SEC22B: variants seen among roughly 807,000 people sequenced by gnomAD.
The protein encoded by SEC22B is vesicle-trafficking protein SEC22b.
Under a neutral mutation model 31.4 loss-of-function variants are expected in SEC22B, and 10 were observed. That is an observed-to-expected ratio of 0.32 (90% CI 0.20 to 0.54). SEC22B has a LOEUF of 0.54. SEC22B is among the 20% of genes least tolerant of loss of function. SEC22B has a pLI of 0.94. For synonymous variants in SEC22B, 60 were observed against 95.9 expected, an observed-to-expected ratio of 0.63 and a Z score of 2.19; for missense variants, 130 against 263.4, an observed-to-expected ratio of 0.49 and a Z score of 3.50.
rs1305010498 is a variant in SEC22B, at chr1:120,151,726, G to A, written c.*5312C>T. On this transcript the variant is annotated 3_prime_UTR_variant, in exon 5 of 5. Coordinates refer to ENST00000578049, the MANE Select transcript of SEC22B (RefSeq NM_004892.6). ...GTAGTACTGACTAAAAGAGGGACAT[G>A]TGTAACAAAATCAGTAAGGAGGGTA... 1.3e-5 allele frequency: 2 copies of A among 151,700 alleles called. No individual in the cohort carries two copies. Among genetic ancestry groups the A allele is most frequent in the Non-Finnish European group, 2.9e-5 (2 of 67,984 alleles). The allele number at this position is 151,700 out of a possible 1,614,324, so 9.4% of individuals were successfully genotyped here.
intron 2 of SEC22B, 106 bp from the exon 3 acceptor site, chr1:120,163,476 C>T: frequency 1.5e-6 from 1 of 673,874 alleles, no homozygotes; most frequent in East Asian, 3.6e-5. Flanking sequence ...AAAATCTAGC[C>T]TAAATACTTT....
At chr1:120,160,622 G>C in intron 3 of SEC22B, 92 bp from the exon 4 acceptor site, 1 of 1,093,146 alleles carries the variant, frequency 9.1e-7, no homozygotes, top group South Asian at 1.7e-5. Context: ...AGGCGCGGTG[G>C]CTCACACCTG....
At chr1:120,157,666 T>C (rs2101126584) in intron 4 of SEC22B, 1 of 137,956 alleles carries the variant, frequency 7.2e-6, no homozygotes, top group South Asian at 2.2e-4. Context: ...TCATATTCTC[T>C]TATATTTTGA....
intron 2 of SEC22B, among the ~76,000 whole-genome samples, chr1:120,163,661 C>T (rs1452185712): frequency 4.8e-4 from 73 of 151,336 alleles, no homozygotes; most frequent in African/African-American, 1.5e-3. Context: ...CTGCAACCTC[C>T]GCCTCCCGGG....
Position 120,160,497 on chromosome 1 carries a change from A to G in SEC22B, c.380T>C (p.Ile127Thr), listed in dbSNP as rs1570866089. ...TFIQKTKKLYIDSRARRNLGS... is the reference protein window; with the variant it reads ...TFIQKTKKLYTDSRARRNLGS... ...TAGATTTCTTCGAGCACGACTGTCA[A>G]TGTAGAGCTTCTTGGTTTTCTGAAT... Residue 127 changes from isoleucine (I) to threonine (T), a missense_variant, in exon 4 of 5, where the codon ATT (isoleucine) becomes ACT (threonine). By Grantham distance (89) the Ile-to-Thr change is moderately conservative. Transcript: ENST00000578049. The G allele has an allele frequency of 3.7e-6, 6 of 1,601,376 alleles. No individual in the cohort carries two copies. In the South Asian group the frequency reaches 5.6e-5, roughly 15 times the overall value.
Position 120,151,880 on chromosome 1 carries a change from GAAGA to G in SEC22B, c.*5154_*5157del, listed in dbSNP as rs1398869792. Reference sequence around the variant, plus strand: ...GTTAATAGTCTAGTTAGAGGTGAAAGAAGAAAGCAGAGGAGTCTAATGCAATGCG... The same window carrying G: ...GTTAATAGTCTAGTTAGAGGTGAAAGAAGCAGAGGAGTCTAATGCAATGCG... On this transcript the variant is annotated 3_prime_UTR_variant, in exon 5 of 5. Transcript: ENST00000578049. The G allele has an allele frequency of 6.6e-6, 1 of 151,790 alleles. No individual in the cohort carries two copies. The highest frequency in any genetic ancestry group is 1.5e-5 in the Non-Finnish European group (1 of 67,978). 9.4% of individuals were successfully genotyped at this position (151,790 alleles called of 1,614,324 possible).
At chr1:120,162,630 G>C (rs1657736897) in intron 3 of SEC22B, among the ~76,000 whole-genome samples, 2 of 151,984 alleles carry the variant, frequency 1.3e-5, no homozygotes, top group African/African-American at 4.8e-5. Context: ...GGTCTGATTA[G>C]TAATTAGTCT....
At chr1:120,172,640 A>C in intron 1 of SEC22B, among the ~76,000 whole-genome samples, 1 of 29,812 alleles carries the variant, frequency 3.4e-5, no homozygotes, top group East Asian at 6.5e-4. Context: ...CTCACAAAAC[A>C]ACCTAACCAC....
rs1465757327 is a variant in SEC22B, at chr1:120,168,900, C to G, written c.125G>C (p.Arg42Pro). ...QYQSQAKQLF[R>P]KLNEQSPTRC... ...GGTAGGGGACTGTTCATTCAACTTTCGAAAGAGTTGCTTAGCCTGACTCTG... is the reference window on the plus strand; with the variant it reads ...GGTAGGGGACTGTTCATTCAACTTTGGAAAGAGTTGCTTAGCCTGACTCTG... The change falls in exon 2 of 5, where the codon CGA (arginine) becomes CCA (proline). Residue 42 changes from arginine (R) to proline (P), a missense_variant. Coordinates refer to ENST00000578049, the MANE Select transcript of SEC22B (RefSeq NM_004892.6). 2.0e-6 allele frequency: 3 copies of G among 1,463,798 alleles called. No homozygotes were observed. Among genetic ancestry groups the G allele is most frequent in the Non-Finnish European group, 2.7e-6 (3 of 1,105,250 alleles). 90.7% of individuals were successfully genotyped at this position (1,463,798 alleles called of 1,614,324 possible). A position where few individuals can be genotyped will look rare whatever the true frequency, so the allele number is the denominator to read the frequency against.
At chr1:120,175,840 CA>C (rs1657951589) in intron 1 of SEC22B, among the ~76,000 whole-genome samples, 1 of 152,182 alleles carries the variant, frequency 6.6e-6, no homozygotes, top group East Asian at 1.9e-4. Flanking sequence ...TGAAATTTAA[CA>C]GGTGCTTTTA....
intron 2 of SEC22B, among the ~76,000 whole-genome samples, chr1:120,166,164 G>C (rs1362797134): frequency 1.4e-5 from 2 of 143,006 alleles, no homozygotes; most frequent in African/African-American, 2.9e-5. Context: ...AGAGAAAAGA[G>C]AACTTTTATA....
chr1:120,167,370 T>G (rs1409842620), intron 2 of SEC22B, among the ~76,000 whole-genome samples: 15 of 152,142 alleles, frequency 9.9e-5, no homozygotes, highest in South Asian at 2.1e-4. Context: ...GTTCTTTACA[T>G]ATTTGTGGAC....
At position 120,155,755 on chromosome 1, in the gene SEC22B, C is replaced by T. The variant is rs1291110673; in HGVS notation, c.*1283G>A. On this transcript the variant is annotated 3_prime_UTR_variant, in exon 5 of 5. Coordinates refer to ENST00000578049, the MANE Select transcript of SEC22B (RefSeq NM_004892.6). ...GACCCTGGCAATAATATTTAAAAGG[C>T]CTATTTTCCCCATTAAAAAATTCTA... The T allele has an allele frequency of 2.0e-5, 3 of 151,940 alleles. No individual in the cohort carries two copies. Among genetic ancestry groups the T allele is most frequent in the Admixed American group, 6.6e-5 (1 of 15,240 alleles). 9.4% of individuals were successfully genotyped at this position (151,940 alleles called of 1,614,324 possible). A position where few individuals can be genotyped will look rare whatever the true frequency, so the allele number is the denominator to read the frequency against.
intron 1 of SEC22B, among the ~76,000 whole-genome samples, chr1:120,171,180 A>G (rs1208988194): frequency 7.6e-6 from 1 of 131,804 alleles, no homozygotes; most frequent in Non-Finnish European, 1.5e-5. Context: ...GGGCTGTGAT[A>G]TCGGTATTTT....
At position 120,155,269 on chromosome 1, in the gene SEC22B, G is replaced by GAGCT. The variant is rs1418386919; in HGVS notation, c.*1765_*1768dup. 3 of 151,736 alleles carry GAGCT rather than the reference G, an allele frequency of 2.0e-5. No individual in the cohort carries two copies. Among genetic ancestry groups the GAGCT allele is most frequent in the Non-Finnish European group, 4.4e-5 (3 of 67,862 alleles). The allele number at this position is 151,736 out of a possible 1,614,324, so 9.4% of individuals were successfully genotyped here. ...GTTGCAGCATGCAACTCTCAACAAT[G>GAGCT]AGCTGCCCCTCTCCACTCCTATAGA... On this transcript the variant is annotated 3_prime_UTR_variant, in exon 5 of 5. Coordinates refer to ENST00000578049, the MANE Select transcript of SEC22B (RefSeq NM_004892.6).
intron 1 of SEC22B, among the ~76,000 whole-genome samples, chr1:120,170,399 T>C (rs1657877285): frequency 1.4e-5 from 2 of 141,700 alleles, no homozygotes; most frequent in Admixed American, 6.8e-5. Context: ...AAGCTGATAA[T>C]AAAAACAAGG....
chr1:120,163,582 CT>C (rs1287701857), intron 2 of SEC22B, among the ~76,000 whole-genome samples: 31 of 93,914 alleles, frequency 3.3e-4, no homozygotes, highest in South Asian at 7.0e-4. Context: ...TTTTTTTTTT[CT>C]TTTTTTTTTT....
intron 2 of SEC22B, among the ~76,000 whole-genome samples, chr1:120,164,578 T>C (rs1208070738): frequency 5.7e-4 from 87 of 152,346 alleles, no homozygotes; most frequent in African/African-American, 1.8e-3. Context: ...GCTCCATCCA[T>C]GTTGCTGCAA....
Position 120,159,884 on chromosome 1 carries a change from C to T in SEC22B, c.493+500G>A, listed in dbSNP as rs1447640590. Among the ~76,000 whole-genome samples, 224 of 151,526 alleles carry T rather than the reference C, an allele frequency of 1.5e-3. 1 individual carries two copies. The Middle Eastern group carries it at 0.017, about 12-fold the overall frequency. On this transcript the variant is annotated intron_variant, in intron 4 of 4. Coordinates refer to ENST00000578049, the MANE Select transcript of SEC22B (RefSeq NM_004892.6). ...ATTTTCCATATGTAGAGCACAATGC[C>T]TTACAAATAACAAGCTCTCAATAAC...
Sources: allele counts gnomAD v4.1 joint callset (sites outside exome capture counted in the v4.1 genomes callset), GRCh38; gene constraint gnomAD v4.1.1; transcripts MANE v1.5; gene names NCBI Gene and HGNC (gene_info 2026-07-23, HGNC 2026-07-21).